MTFR1: variants seen among roughly 807,000 people sequenced by gnomAD.
MTFR1 encodes the protein mitochondrial fission regulator 1, also known as chondrocyte protein with a poly-proline region.
A neutral mutation model predicts 38.8 loss-of-function variants in MTFR1; 28 were observed. The ratio of observed to expected loss-of-function variants is 0.72; its 90% CI spans 0.53 to 0.99. The LOEUF is 0.99. MTFR1 is among the 50% of genes least tolerant of loss of function. The probability of loss-of-function intolerance (pLI) is 0.00; values close to 1 mark genes in which losing one functional copy is unlikely to be tolerated. For missense variants in MTFR1, 358 were observed against 395.5 expected (o/e 0.91, Z 0.81); for synonymous variants, 145 against 137.0 (o/e 1.06, Z -0.41).
At chr8:65,669,331 G>A (rs1476660850) in intron 1 of MTFR1, among the ~76,000 whole-genome samples, 1 of 152,098 alleles carries the variant, frequency 6.6e-6, no homozygotes, top group Non-Finnish European at 1.5e-5. Context: ...AACGTCCTTG[G>A]TTGTGTAGCC....
At chr8:65,662,457 C>A (rs1029242536) in intron 1 of MTFR1, among the ~76,000 whole-genome samples, 1 of 150,570 alleles carries the variant, frequency 6.6e-6, no homozygotes, top group Non-Finnish European at 1.5e-5. Context: ...ACAACCTCCA[C>A]CTCCCAGCTG....
chr8:65,704,743 G>C lies in MTFR1; in HGVS notation c.331G>C (p.Glu111Gln), dbSNP rs777840659. The change falls in exon 5 of 8, where the codon GAG becomes CAG. Residue 111 changes from glutamate to glutamine, a missense_variant. Transcript: ENST00000262146. ...CCTTCAGGATGACCTTCTTTTCTTT[G>C]AGAAGGCCCCAAGCAGACAGATTTC... ...PPLQDDLLFF[E>Q]KAPSRQISLP... is the part of the protein sequence containing the mutation. 6.2e-7 allele frequency: 1 copy of C among 1,614,064 alleles called. No homozygotes were observed. Among genetic ancestry groups the C allele is most frequent in the Non-Finnish European group, 8.5e-7 (1 of 1,180,006 alleles).
intron 2 of MTFR1, chr8:65,717,659 T>C (rs1027358906): frequency 7.2e-5 from 11 of 152,214 alleles, no homozygotes; most frequent in African/African-American, 1.4e-4. Flanking sequence ...GATTGAGTTA[T>C]AAGGTAAATG....
In MTFR1 at chr8:65,730,172, T is replaced by TTC. The variant is rs1491585325; in HGVS notation, c.*48+10692_*48+10693insCT. On this transcript the variant is annotated intron_variant, in intron 3 of 3. Coordinates refer to the MTFR1 transcript ENST00000521247. ...GTGAGGGATCCAGGTTGCGCACTTC[T>TTC]TTTTTTTTTTTTTTTTTTTTTTTTT... is the stretch of plus-strand genomic sequence containing the variant. 4.3e-4 allele frequency among the ~76,000 whole-genome samples: 7 copies of TTC among 16,362 alleles called. 1 individual carries two copies. The highest frequency in any genetic ancestry group is 6.0e-4 in the Non-Finnish European group (4 of 6,668). The allele number at this position is 16,362 out of a possible 152,430, so 10.7% of individuals were successfully genotyped here.
intron 2 of MTFR1, among the ~76,000 whole-genome samples, chr8:65,717,342 CCTTTT>C (rs764483166): frequency 2.0e-5 from 3 of 152,148 alleles, no homozygotes; most frequent in Non-Finnish European, 4.4e-5. Context: ...AGTGGAGTGG[CCTTTT>C]CTTATCACTT....
intron 3 of MTFR1, chr8:65,745,590 G>T (rs2128905510): frequency 1.7e-6 from 1 of 605,570 alleles, no homozygotes; most frequent in East Asian, 3.0e-5. Flanking sequence ...AAAAATACAA[G>T]TATCATTTTT....
At chr8:65,696,499 C>T (rs921916402) in intron 4 of MTFR1, among the ~76,000 whole-genome samples, 2 of 152,082 alleles carry the variant, frequency 1.3e-5, no homozygotes, top group Admixed American at 6.6e-5. Flanking sequence ...AGGACATTTC[C>T]ATGCTACAGA....
chr8:65,687,050 A>G (rs929543461), intron 3 of MTFR1, among the ~76,000 whole-genome samples: 1 of 152,208 alleles, frequency 6.6e-6, no homozygotes, highest in Admixed American at 6.5e-5. Context: ...ATTTTCAGAA[A>G]TAGACACATT....
intron 3 of MTFR1, chr8:65,721,777 G>A (rs377021178): frequency 2.5e-4 from 38 of 150,546 alleles, no homozygotes; most frequent in African/African-American, 8.6e-4. Flanking sequence ...ACCTGTCTTC[G>A]ATTCAATTCT....
intron 3 of MTFR1, among the ~76,000 whole-genome samples, chr8:65,759,016 C>A (rs1439816076): frequency 6.6e-6 from 1 of 152,250 alleles, no homozygotes; most frequent in East Asian, 1.9e-4. Flanking sequence ...GCAAAAGGAA[C>A]ATGTCTTGAC....
At chr8:65,701,888 A>C (rs1805619980) in intron 4 of MTFR1, among the ~76,000 whole-genome samples, 1 of 152,208 alleles carries the variant, frequency 6.6e-6, no homozygotes, top group Non-Finnish European at 1.5e-5. Flanking sequence ...GGTGGATCAG[A>C]GCAAGGTTTC....
At chr8:65,768,297 C>T (rs185677892) in intron 3 of MTFR1, among the ~76,000 whole-genome samples, 56 of 152,222 alleles carry the variant, frequency 3.7e-4, no homozygotes, top group Non-Finnish European at 6.3e-4. Context: ...TTTGGCTGTG[C>T]CCCCACCCAA....
chr8:65,668,334 C>T (rs1463070164), intron 1 of MTFR1, among the ~76,000 whole-genome samples: 1 of 122,006 alleles, frequency 8.2e-6, no homozygotes, highest in Non-Finnish European at 1.7e-5. Flanking sequence ...TGCTCCACCA[C>T]ACCCAGCTAA....
intron 3 of MTFR1, chr8:65,747,513 A>G: frequency 2.0e-6 from 1 of 496,074 alleles, no homozygotes. Context: ...GCTGCTCTAA[A>G]GAAAAAAACC....
intron 3 of MTFR1, chr8:65,719,541 CTATCTT>C: frequency 8.0e-7 from 1 of 1,250,846 alleles, no homozygotes; most frequent in South Asian, 1.2e-5. Context: ...TGCTGAAACT[CTATCTT>C]TAAAACATCA....
intron 3 of MTFR1, among the ~76,000 whole-genome samples, chr8:65,753,957 ATTAT>A (rs1158399410): frequency 6.6e-6 from 1 of 151,930 alleles, no homozygotes; most frequent in African/African-American, 2.4e-5. Flanking sequence ...TCTTTTGGTT[ATTAT>A]CTGCATGGTA....
chr8:65,703,300 C>T (rs1805670472), intron 4 of MTFR1, among the ~76,000 whole-genome samples: 1 of 151,686 alleles, frequency 6.6e-6, no homozygotes, highest in Non-Finnish European at 1.5e-5. Context: ...GCAGGAGGAT[C>T]ACTTGAGCCT....
chr8:65,693,680 C>G lies in MTFR1; in HGVS notation c.202C>G (p.Pro68Ala), dbSNP rs1208711050. The G allele has an allele frequency of 1.2e-6, 2 of 1,613,976 alleles. No homozygotes were observed. The highest frequency in any genetic ancestry group is 2.7e-5 in the African/African-American group (2 of 74,904). The change falls in exon 4 of 8, where the codon CCA becomes GCA. Residue 68 changes from proline to alanine, a missense_variant. Pro to Ala is a conservative substitution (Grantham distance 27, BLOSUM62 -1). Coordinates refer to ENST00000262146, the MANE Select transcript of MTFR1 (RefSeq NM_014637.4). ...SHATEWSPSH[P>A]GEDAVASFAD... ...TGCAACAGAATGGAGTCCCAGCCAC[C>G]CAGGAGAGGATGCAGTGGCGTCTTT...
chr8:65,654,976 A>C (rs1809216537), intron 1 of MTFR1, among the ~76,000 whole-genome samples: 1 of 152,184 alleles, frequency 6.6e-6, no homozygotes, highest in Non-Finnish European at 1.5e-5. Flanking sequence ...CTTGGGCCTA[A>C]GGGCAACATT....
Sources: allele counts gnomAD v4.1 joint callset (sites outside exome capture counted in the v4.1 genomes callset), GRCh38; gene constraint gnomAD v4.1.1; transcripts MANE v1.5; gene names NCBI Gene and HGNC (gene_info 2026-07-23, HGNC 2026-07-21).